DNAI1: variants seen among roughly 807,000 people sequenced by gnomAD.
The protein encoded by DNAI1 is dynein, axonemal, intermediate polypeptide 1.
DNAI1 carries 67 observed loss-of-function variants against 92.0 expected under a neutral mutation model. That is an observed-to-expected ratio of 0.73 (90% CI 0.60 to 0.89). The LOEUF (loss-of-function observed/expected upper bound fraction) is 0.89, where lower values mean the gene tolerates loss of function less well. Among genes scored for constraint, DNAI1 ranks in the 40% least tolerant of loss-of-function variants. The pLI, the probability that DNAI1 is intolerant of heterozygous loss-of-function variation, is 0.00. For synonymous variants in DNAI1, 323 were observed against 319.6 expected (o/e 1.01, Z -0.11); for missense variants, 839 against 866.6 (o/e 0.97, Z 0.40).
chr9:34,520,572 G>A (rs1825259118), intron 19 of DNAI1, 86 bp from the exon 20 acceptor site: 3 of 1,259,856 alleles, frequency 2.4e-6, no homozygotes, highest in East Asian at 5.1e-5. Flanking sequence ...GGCACAGCTG[G>A]ACAGGCTGGG....
intron 12 of DNAI1, among the ~76,000 whole-genome samples, chr9:34,505,884 A>C (rs984752944): frequency 1.3e-5 from 2 of 152,230 alleles, no homozygotes; most frequent in East Asian, 3.8e-4. Flanking sequence ...TGGTGGCGGA[A>C]GGGCTGGGAC....
intron 10 of DNAI1, among the ~76,000 whole-genome samples, chr9:34,499,630 C>G (rs1824787632): frequency 1.3e-5 from 2 of 151,978 alleles, no homozygotes; most frequent in African/African-American, 4.8e-5. Context: ...TAACTCTGCT[C>G]AAAAGAAAAT....
intron 1 of DNAI1, among the ~76,000 whole-genome samples, chr9:34,481,882 G>A (rs987945722): frequency 2.0e-5 from 3 of 152,234 alleles, no homozygotes; most frequent in Non-Finnish European, 4.4e-5. Flanking sequence ...AAAGAACAAA[G>A]ATTCCACAGT....
chr9:34,520,857 C>A lies in DNAI1; in HGVS notation c.*101C>A. On this transcript the variant is annotated 3_prime_UTR_variant, in exon 20 of 20. Coordinates refer to ENST00000242317, the MANE Select transcript of DNAI1 (RefSeq NM_012144.4). ...TTAGCACCCAGCATGTGACCCCACTCCTGATCAGGTCCCAGCATCTTCCCT... is the reference window on the plus strand; with the variant it reads ...TTAGCACCCAGCATGTGACCCCACTACTGATCAGGTCCCAGCATCTTCCCT... 9.0e-7 allele frequency: 1 copy of A among 1,107,222 alleles called. No individual in the cohort carries two copies. Among genetic ancestry groups the A allele is most frequent in the Non-Finnish European group, 1.3e-6 (1 of 743,532 alleles). The allele number at this position is 1,107,222 out of a possible 1,614,324, so 68.6% of individuals were successfully genotyped here. A position where few individuals can be genotyped will look rare whatever the true frequency, so the allele number is the denominator to read the frequency against.
intron 13 of DNAI1, among the ~76,000 whole-genome samples, chr9:34,511,842 C>T (rs1026672583): frequency 3.9e-5 from 6 of 152,166 alleles, no homozygotes; most frequent in African/African-American, 4.8e-5. Flanking sequence ...GGTACCTCCA[C>T]TGCCAAGCCA....
intron 2 of DNAI1, among the ~76,000 whole-genome samples, chr9:34,483,850 ATATTT>A (rs1217654932): frequency 1.3e-5 from 2 of 152,204 alleles, no homozygotes; most frequent in Admixed American, 1.3e-4. Context: ...TTACTACATA[ATATTT>A]TACCATATGT....
intron 1 of DNAI1, among the ~76,000 whole-genome samples, chr9:34,477,949 T>A (rs940636909): frequency 2.7e-4 from 30 of 111,400 alleles, no homozygotes; most frequent in African/African-American, 9.4e-4. Flanking sequence ...TTTTTTTTTT[T>A]AGTCTCAGCT....
intron 1 of DNAI1, among the ~76,000 whole-genome samples, chr9:34,480,929 G>A (rs1488809806): frequency 6.6e-6 from 1 of 152,216 alleles, no homozygotes; most frequent in East Asian, 1.9e-4. Context: ...CTAGGCAACA[G>A]AGTAAGACTA....
chr9:34,513,798 C>G (rs1825118839), intron 16 of DNAI1, among the ~76,000 whole-genome samples: 1 of 152,210 alleles, frequency 6.6e-6, no homozygotes, highest in Non-Finnish European at 1.5e-5. Flanking sequence ...ACCCCTCCCA[C>G]TGGCAGCCCA....
chr9:34,501,278 A>AGAT, intron 12 of DNAI1, 97 bp downstream of exon 12: 1 of 1,049,772 alleles, frequency 9.5e-7, no homozygotes, highest in Non-Finnish European at 1.5e-6. Context: ...AGAAATACAA[A>AGAT]GATGACTGCC....
rs767207402 is a variant in DNAI1 at position 34,517,356 on chromosome 9, C to T, written c.1890C>T (p.Asn630=). Residue 630 remains asparagine, a synonymous_variant, in exon 19 of 20, where the codon AAC becomes AAT. Transcript: ENST00000242317. ...ACCAGCCTGTGGCGGCCAAAAAGAA[C>T]AGGCTCACCCACGTGCAGTTCAATC... ...ICNQPVAAKK[N]RLTHVQFNLI... 1.4e-5 allele frequency: 23 copies of T among 1,614,188 alleles called. No homozygotes were observed. The highest frequency in any genetic ancestry group is 1.9e-5 in the Non-Finnish European group (23 of 1,180,046).
intron 18 of DNAI1, among the ~76,000 whole-genome samples, chr9:34,516,423 G>C (rs1161654292): frequency 6.6e-6 from 1 of 152,224 alleles, no homozygotes; most frequent in Non-Finnish European, 1.5e-5. Context: ...TGCCACAGTT[G>C]TCCAGGTGAG....
At chr9:34,492,512 A>C (rs1824627040) in intron 8 of DNAI1, among the ~76,000 whole-genome samples, 9 of 110,008 alleles carry the variant, frequency 8.2e-5, no homozygotes, top group African/African-American at 2.9e-4. Flanking sequence ...ATATATATAT[A>C]TATATATATA....
Position 34,506,708 on chromosome 9 carries a change from G to T in DNAI1, c.1145G>T (p.Ser382Ile), listed in dbSNP as rs141690214. The T allele has an allele frequency of 6.2e-7, 1 of 1,614,214 alleles. No homozygotes were observed. ...NPSFPEYMFS[S>I]NSGVMCLDIH... Reference sequence around the variant, plus strand: ...AGCTTCCCTGAGTACATGTTCAGCAGCAACAGCGGCGTCATGTGTCTCGAC... The same window carrying T: ...AGCTTCCCTGAGTACATGTTCAGCATCAACAGCGGCGTCATGTGTCTCGAC... The change falls in exon 13 of 20, where the codon AGC becomes ATC. Residue 382 changes from serine (S) to isoleucine (I), a missense_variant. Transcript: ENST00000242317.
At position 34,485,405 on chromosome 9, in the gene DNAI1, T is replaced by G. The variant is rs201016554; in HGVS notation, c.181-32T>G. 1.8e-4 allele frequency: 296 copies of G among 1,609,524 alleles called. No homozygotes were observed. The East Asian group carries it at 3.5e-3, about 19-fold the overall frequency. ...CTCAGATAGGGTTGGGGGGTCTTCATGTATGACCCTCTTGGTATTTTTCTC... is the reference window on the plus strand; with the variant it reads ...CTCAGATAGGGTTGGGGGGTCTTCAGGTATGACCCTCTTGGTATTTTTCTC... On this transcript the variant is annotated intron_variant, in intron 3 of 19. Coordinates refer to ENST00000242317, the MANE Select transcript of DNAI1 (RefSeq NM_012144.4).
chr9:34,489,925 C>T, intron 5 of DNAI1, 87 bp from the exon 6 acceptor site: 1 of 1,563,280 alleles, frequency 6.4e-7, no homozygotes. Context: ...CCAAGGAAAA[C>T]CCCAGGCAGA....
intron 12 of DNAI1, among the ~76,000 whole-genome samples, chr9:34,501,623 A>T (rs1824832948): frequency 6.6e-6 from 1 of 152,176 alleles, no homozygotes; most frequent in African/African-American, 2.4e-5. Flanking sequence ...AATTGCAGGC[A>T]TTGCAGGCCT....
chr9:34,515,128 G>C (rs1046178745), intron 18 of DNAI1, among the ~76,000 whole-genome samples: 4 of 152,196 alleles, frequency 2.6e-5, no homozygotes, highest in Non-Finnish European at 4.4e-5. Context: ...CTCCATCCCC[G>C]GGAGTGTGCA....
Position 34,506,891 on chromosome 9 carries a change from G to A in DNAI1, c.1311+17G>A. The A allele has an allele frequency of 6.2e-7, 1 of 1,611,482 alleles. No homozygotes were observed. The highest frequency in any genetic ancestry group is 8.5e-7 in the Non-Finnish European group (1 of 1,178,918). ...GTGTGGCAGGTCAGCAACCAGGCTG[G>A]GAGGGGTGGGGATGGGAGCAGCATG... On this transcript the variant is annotated intron_variant, in intron 13 of 19. Coordinates refer to ENST00000242317, the MANE Select transcript of DNAI1 (RefSeq NM_012144.4).
Sources: allele counts gnomAD v4.1 joint callset (sites outside exome capture counted in the v4.1 genomes callset), GRCh38; gene constraint gnomAD v4.1.1; transcripts MANE v1.5; gene names NCBI Gene and HGNC (gene_info 2026-07-23, HGNC 2026-07-21).